The following AKAP3 variants were observed in gnomAD, a reference collection of about 807,000 sequenced individuals.
AKAP3 encodes A-kinase anchoring protein 3.
In AKAP3, 27 loss-of-function variants were observed where a neutral mutation model predicts 57.2. The ratio of observed to expected loss-of-function variants is 0.47; its 90% CI spans 0.35 to 0.65. AKAP3 has a LOEUF of 0.65. AKAP3 is among the 30% of genes least tolerant of loss of function. The pLI, the probability that AKAP3 is intolerant of heterozygous loss-of-function variation, is 0.01. For synonymous variants in AKAP3, 334 were observed against 392.3 expected (o/e 0.85, Z 1.76); for missense variants, 959 against 1,040.0 (o/e 0.92, Z 1.07).
intron 5 of AKAP3, among the ~76,000 whole-genome samples, chr12:4,624,175 T>C (rs1201942391): frequency 3.3e-5 from 5 of 152,046 alleles, no homozygotes; most frequent in Non-Finnish European, 5.9e-5. Context: ...GGGTTAAATA[T>C]ATAAAACATA....
intron 4 of AKAP3, chr12:4,636,201 A>G (rs900297751): frequency 2.1e-5 from 11 of 517,644 alleles, no homozygotes; most frequent in Non-Finnish European, 2.8e-5. Flanking sequence ...CAGACTCTTC[A>G]ATGAACTTCC....
At chr12:4,646,348 C>T (rs771798341) in intron 1 of AKAP3, among the ~76,000 whole-genome samples, 2 of 151,808 alleles carry the variant, frequency 1.3e-5, no homozygotes, top group East Asian at 1.9e-4. Flanking sequence ...GATTCAAAAG[C>T]GGCTGGTTTA....
intron 5 of AKAP3, among the ~76,000 whole-genome samples, chr12:4,624,689 A>G (rs3753146): frequency 0.041 from 6,312 of 152,178 alleles, 319 homozygotes; most frequent in South Asian, 0.11. Context: ...TCTTAAAAAT[A>G]TACTAATATT....
chr12:4,618,340 A>G (rs554934546), intron 5 of AKAP3, among the ~76,000 whole-genome samples: 44 of 152,350 alleles, frequency 2.9e-4, no homozygotes, highest in African/African-American at 1.1e-3. Flanking sequence ...ATTTTTTAAT[A>G]AAGGAGATGG....
At chr12:4,630,881 G>A (rs908257756) in intron 4 of AKAP3, among the ~76,000 whole-genome samples, 6 of 152,110 alleles carry the variant, frequency 3.9e-5, no homozygotes, top group African/African-American at 2.4e-5. Flanking sequence ...CCAGTTCCTT[G>A]TTAATGAGTT....
At chr12:4,635,854 C>T in intron 4 of AKAP3, 1 of 664,798 alleles carries the variant, frequency 1.5e-6, no homozygotes, top group South Asian at 1.7e-5. Context: ...TTTAATTTAT[C>T]CAAAACGTCT....
At chr12:4,630,715 C>T (rs563790179) in intron 4 of AKAP3, among the ~76,000 whole-genome samples, 1 of 152,282 alleles carries the variant, frequency 6.6e-6, no homozygotes, top group African/African-American at 2.4e-5. Context: ...ACTCTGTTAA[C>T]TATAGACAAC....
intron 5 of AKAP3, among the ~76,000 whole-genome samples, chr12:4,624,316 CGTGT>C (rs71061197): frequency 0.021 from 908 of 42,964 alleles, 10 homozygotes; most frequent in African/African-American, 0.043. Flanking sequence ...TGTGACTTTA[CGTGT>C]GTGTGTGTGT....
Position 4,626,679 on chromosome 12 carries a change from C to T in AKAP3, c.2223G>A (p.Met741Ile), listed in dbSNP as rs748873608. Residue 741 changes from methionine (M) to isoleucine (I), a missense_variant, in exon 5 of 6, where the codon ATG becomes ATA. Coordinates refer to ENST00000228850, the MANE Select transcript of AKAP3 (RefSeq NM_001278309.2). ...CAGGGGGCTGTCCTGATGTGCCTCT[C>T]ATTTCATTATGGATAGCTTGATAGG... ...QNAYQAIHNE[M>I]RGTSGQPPEG... The T allele has an allele frequency of 6.2e-6, 10 of 1,614,224 alleles. No homozygotes were observed. Among genetic ancestry groups the T allele is most frequent in the Non-Finnish European group, 8.5e-6 (10 of 1,180,048 alleles).
chr12:4,638,142 C>T lies in AKAP3; in HGVS notation c.55G>A (p.Val19Ile), dbSNP rs1256562726. ...QSQNGVCKVD[V>I]YSPGDNQAQD... Reference sequence around the variant, plus strand: ...GCTTGGTTGTCTCCAGGAGAATAGACATCAACTTTGCATACTCCATTTTGG... The same window carrying T: ...GCTTGGTTGTCTCCAGGAGAATAGATATCAACTTTGCATACTCCATTTTGG... Residue 19 changes from valine (V) to isoleucine (I), a missense_variant, in exon 4 of 6, where the codon GTC becomes ATC. By Grantham distance (29) the Val-to-Ile change is conservative. Transcript: ENST00000228850. 4 of 1,613,900 alleles carry T rather than the reference C, an allele frequency of 2.5e-6. No individual in the cohort carries two copies. Among genetic ancestry groups the T allele is most frequent in the African/African-American group, 1.3e-5 (1 of 75,028 alleles).
At chr12:4,634,044 G>A (rs778343299) in intron 4 of AKAP3, among the ~76,000 whole-genome samples, 6 of 147,330 alleles carry the variant, frequency 4.1e-5, no homozygotes, top group Non-Finnish European at 7.4e-5. Context: ...AAACACTGGT[G>A]ACCCATTTTT....
chr12:4,618,376 G>C (rs1426773494), intron 5 of AKAP3, among the ~76,000 whole-genome samples: 1 of 152,182 alleles, frequency 6.6e-6, no homozygotes, highest in African/African-American at 2.4e-5. Flanking sequence ...CAGATTCCCA[G>C]TGGTCTTTTC....
rs7314381 is a variant in AKAP3, at chr12:4,642,675, A to G, written c.-106-671T>C. On this transcript the variant is annotated intron_variant, in intron 2 of 5. Coordinates refer to ENST00000228850, the MANE Select transcript of AKAP3 (RefSeq NM_001278309.2). Reference sequence around the variant, plus strand: ...TGATTGCTCCCTCATTGAAGTTTCCATCATATTTTGTTTCAATGTGTACAT... The same window carrying G: ...TGATTGCTCCCTCATTGAAGTTTCCGTCATATTTTGTTTCAATGTGTACAT... 3.3e-3 allele frequency among the ~76,000 whole-genome samples: 499 copies of G among 152,254 alleles called. 3 individuals carry two copies. Among genetic ancestry groups the G allele is most frequent in the African/African-American group, 0.011 (462 of 41,540 alleles).
intron 5 of AKAP3, among the ~76,000 whole-genome samples, chr12:4,617,058 TAAAG>T (rs1945293747): frequency 6.6e-6 from 1 of 151,736 alleles, no homozygotes; most frequent in Non-Finnish European, 1.5e-5. Context: ...CACTGAAAAT[TAAAG>T]AAAAAGAAAA....
intron 4 of AKAP3, among the ~76,000 whole-genome samples, chr12:4,632,193 T>C (rs901849932): frequency 6.7e-6 from 1 of 148,702 alleles, no homozygotes; most frequent in East Asian, 1.9e-4. Flanking sequence ...AAAGTATATA[T>C]GCTTTTGCTT....
intron 4 of AKAP3, among the ~76,000 whole-genome samples, chr12:4,633,116 TAAA>T (rs111238703): frequency 7.1e-6 from 1 of 141,164 alleles, no homozygotes; most frequent in Non-Finnish European, 1.6e-5. Context: ...CCTTTTCAAT[TAAA>T]AAAAAAAAAA....
chr12:4,615,520 T>C lies in AKAP3; in HGVS notation c.*219A>G. 1 of 484,936 alleles carries C rather than the reference T, an allele frequency of 2.1e-6. No homozygotes were observed. Among genetic ancestry groups the C allele is most frequent in the Non-Finnish European group, 3.5e-6 (1 of 282,236 alleles). 30.0% of individuals were successfully genotyped at this position (484,936 alleles called of 1,614,324 possible). ...AGGAAACAAAACATGTGGAGCCCTT[T>C]AATTGTAATTTTTTAATTTTACGTC... On this transcript the variant is annotated 3_prime_UTR_variant, in exon 6 of 6. Coordinates refer to ENST00000228850, the MANE Select transcript of AKAP3 (RefSeq NM_001278309.2).
chr12:4,627,747 C>A lies in AKAP3; in HGVS notation c.1155G>T (p.Met385Ile). The A allele has an allele frequency of 6.2e-7, 1 of 1,614,122 alleles. No homozygotes were observed. The highest frequency in any genetic ancestry group is 8.5e-7 in the Non-Finnish European group (1 of 1,180,022). ...CATGCTCAGGGACTTTCTTGGCAAA[C>A]ATTACATTGTACAGCTTCCTTAGCA... ...DAMLRKLYNV[M>I]FAKKVPEHVR... Residue 385 changes from methionine to isoleucine, a missense_variant, in exon 5 of 6, where the codon ATG becomes ATT. Coordinates refer to ENST00000228850, the MANE Select transcript of AKAP3 (RefSeq NM_001278309.2).
chr12:4,625,762 G>A lies in AKAP3; in HGVS notation c.2406+734C>T, dbSNP rs1945404790. 2.0e-5 allele frequency among the ~76,000 whole-genome samples: 3 copies of A among 151,968 alleles called. No homozygotes were observed. In the South Asian group the frequency reaches 6.2e-4, roughly 32 times the overall value. On this transcript the variant is annotated intron_variant, in intron 5 of 5. Transcript: ENST00000228850. This position sits in a 1 kb window ranked among gnomAD's most constrained non-coding sequence, Gnocchi z 5.4. The stretch of plus-strand genomic sequence containing the variant: ...AGAGGAGAGAGAAGAGAAGGTTGTA[G>A]GGATGGTCTTTTTAATTCCCGCACT...
Sources: gnomAD v4.1 joint callset for allele counts (sites outside exome capture counted in the v4.1 genomes callset) on GRCh38, gnomAD v4.1.1 for gene constraint, Gnocchi (gnomAD v3.1) non-coding constraint, MANE v1.5 for transcripts, NCBI Gene and HGNC (gene_info 2026-07-23, HGNC 2026-07-21) for gene names.